NCS1: variants seen among roughly 807,000 people sequenced by gnomAD.
NCS1 encodes frequenin homolog.
Under a neutral mutation model 28.4 loss-of-function variants are expected in NCS1, and 6 were observed. That is an observed-to-expected ratio of 0.21 (90% CI 0.12 to 0.42). The LOEUF (loss-of-function observed/expected upper bound fraction) is 0.42, where lower values mean the gene tolerates loss of function less well. Among genes scored for constraint, NCS1 ranks in the 10% least tolerant of loss-of-function variants. The pLI is 1.00. For synonymous variants in NCS1, 86 were observed against 99.3 expected (o/e 0.87, Z 0.79); for missense variants, 131 against 241.4 (o/e 0.54, Z 3.03).
chr9:130,172,429 A>ACCGCGC lies in NCS1; in HGVS notation c.-233_-228dup, dbSNP rs1832490902. 1 of 144,870 alleles carries ACCGCGC rather than the reference A, an allele frequency of 6.9e-6. No individual in the cohort carries two copies. The highest frequency in any genetic ancestry group is 2.1e-4 in the South Asian group (1 of 4,778). 9.0% of individuals were successfully genotyped at this position (144,870 alleles called of 1,614,324 possible). A position where few individuals can be genotyped will look rare whatever the true frequency, so the allele number is the denominator to read the frequency against. ...AGTAACCAGGGACGACCGCGGCCAC[A>ACCGCGC]CCGCGCCGGCGCCGGCGCCCAGCCC... On this transcript the variant is annotated 5_prime_UTR_variant, in exon 1 of 8. Transcript: ENST00000372398.
intron 1 of NCS1, among the ~76,000 whole-genome samples, chr9:130,187,799 A>G (rs1554905803): frequency 1.3e-5 from 2 of 152,140 alleles, no homozygotes; most frequent in African/African-American, 2.4e-5. Context: ...GCTTCCATCC[A>G]GAGGGCTCCC....
chr9:130,227,022 C>CAAAAA lies in NCS1; in HGVS notation c.*17+531_*17+535dup, dbSNP rs782338218. 2.1e-4 allele frequency among the ~76,000 whole-genome samples: 9 copies of CAAAAA among 42,466 alleles called. No homozygotes were observed. In the East Asian group the frequency reaches 3.9e-3, roughly 19 times the overall value. 27.9% of individuals were successfully genotyped at this position (42,466 alleles called of 152,430 possible). ...TGGGTAACAGAGTGAGACTCCATCT[C>CAAAAA]AAAAAAAAAAAAAAAAAGAAAAGAA... On this transcript the variant is annotated intron_variant, in intron 7 of 7. Coordinates refer to ENST00000372398, the MANE Select transcript of NCS1 (RefSeq NM_014286.4).
rs34473694 is a variant in NCS1 at position 130,174,790 on chromosome 9, C to CAAAAAAAAAA, written c.64+2071_64+2080dup. 2.0e-3 allele frequency among the ~76,000 whole-genome samples: 187 copies of CAAAAAAAAAA among 91,564 alleles called. 15 individuals carry two copies. Among genetic ancestry groups the CAAAAAAAAAA allele is most frequent in the African/African-American group, 8.5e-3 (166 of 19,638 alleles). 60.1% of individuals were successfully genotyped at this position (91,564 alleles called of 152,430 possible). On this transcript the variant is annotated intron_variant, in intron 1 of 7. Transcript: ENST00000372398. ...TGCTCCAAGAGGGAAACTCTGTCTC[C>CAAAAAAAAAA]AAAAAAAAAAAAAAAAAGCTCTGCT...
In NCS1 at chr9:130,191,487, G is replaced by A. The variant is rs1256373640; in HGVS notation, c.65-9471G>A. On this transcript the variant is annotated intron_variant, in intron 1 of 7. Transcript: ENST00000372398. This position sits in a 1 kb window ranked among gnomAD's most constrained non-coding sequence, Gnocchi z 6.4. Reference sequence around the variant, plus strand: ...CCGGAGGCTCTGGCATCTTTTACATGGAGGCGAGGCAGCCGTGGGGATGTA... The same window carrying A: ...CCGGAGGCTCTGGCATCTTTTACATAGAGGCGAGGCAGCCGTGGGGATGTA... 6.6e-6 allele frequency among the ~76,000 whole-genome samples: 1 copy of A among 152,216 alleles called. No individual in the cohort carries two copies. Among genetic ancestry groups the A allele is most frequent in the African/African-American group, 2.4e-5 (1 of 41,466 alleles).
intron 7 of NCS1, among the ~76,000 whole-genome samples, chr9:130,228,890 G>A (rs1480806989): frequency 2.6e-5 from 4 of 151,652 alleles, no homozygotes; most frequent in African/African-American, 9.7e-5. Flanking sequence ...GGCTGGTCTC[G>A]AACTCCTGAC....
At chr9:130,173,801 C>T (rs1832525287) in intron 1 of NCS1, among the ~76,000 whole-genome samples, 1 of 152,108 alleles carries the variant, frequency 6.6e-6, no homozygotes, top group South Asian at 2.1e-4. Context: ...GGAGGCAGCT[C>T]CTGGTGGTGC....
chr9:130,184,052 C>T (rs555843517), intron 1 of NCS1, among the ~76,000 whole-genome samples: 11 of 152,138 alleles, frequency 7.2e-5, no homozygotes, highest in African/African-American at 2.4e-4. Flanking sequence ...CCTCATTATC[C>T]ACCCGCCTCG....
At chr9:130,214,793 G>T (rs1416094744) in intron 2 of NCS1, among the ~76,000 whole-genome samples, 1 of 152,136 alleles carries the variant, frequency 6.6e-6, no homozygotes, top group Admixed American at 6.5e-5. Flanking sequence ...TCACCTCATG[G>T]GGGGCTTCTT....
Position 130,229,416 on chromosome 9 carries a change from G to A in NCS1, c.*17+2912G>A, listed in dbSNP as rs373383592. Among the ~76,000 whole-genome samples the A allele has an allele frequency of 9.5e-4, 145 of 152,024 alleles. 4 individuals carry two copies. In the South Asian group the frequency reaches 0.028, roughly 30 times the overall value. ...ATTACAGGTGCTTGCCACCACGCCC[G>A]GCTAATTTTTGTACTTTTAGTAGAG... On this transcript the variant is annotated intron_variant, in intron 7 of 7. Transcript: ENST00000372398.
chr9:130,184,120 T>TCTTTC (rs2131120267), intron 1 of NCS1, among the ~76,000 whole-genome samples: 2 of 152,272 alleles, frequency 1.3e-5, no homozygotes, highest in African/African-American at 4.8e-5. Flanking sequence ...TCTTTTCTTT[T>TCTTTC]CTTTCTTCTG....
chr9:130,213,331 G>T (rs1815604444), intron 2 of NCS1, among the ~76,000 whole-genome samples: 1 of 152,124 alleles, frequency 6.6e-6, no homozygotes, highest in Non-Finnish European at 1.5e-5. Context: ...AGGCTGGAGT[G>T]CAGTGGCGTG....
intron 6 of NCS1, among the ~76,000 whole-genome samples, chr9:130,223,908 G>A (rs1229004576): frequency 4.0e-5 from 6 of 151,776 alleles, no homozygotes; most frequent in Admixed American, 6.6e-5. Flanking sequence ...AGTGGCGGGC[G>A]CGATCTCGGC....
In NCS1 at chr9:130,219,653, C is replaced by T. The variant is rs1240225348; in HGVS notation, c.229-72C>T. On this transcript the variant is annotated intron_variant, in intron 3 of 7. Transcript: ENST00000372398. The surrounding 1 kb of genome is among the most constrained non-coding windows in gnomAD (Gnocchi z 5.7). ...CTGGAGCCTGCGACTGCCCCTCGCCCGTCCCGAGGTTCAGCCTGACCCGGT... is the reference window on the plus strand; with the variant it reads ...CTGGAGCCTGCGACTGCCCCTCGCCTGTCCCGAGGTTCAGCCTGACCCGGT... 20 of 1,436,494 alleles carry T rather than the reference C, an allele frequency of 1.4e-5. No individual in the cohort carries two copies. The highest frequency in any genetic ancestry group is 5.8e-5 in the South Asian group (5 of 86,280). 89.0% of individuals were successfully genotyped at this position (1,436,494 alleles called of 1,614,324 possible).
rs1391541079 is a variant in NCS1 at position 130,232,230 on chromosome 9, A to C, written c.*18-760A>C. 1.3e-5 allele frequency among the ~76,000 whole-genome samples: 2 copies of C among 151,986 alleles called. No homozygotes were observed. The highest frequency in any genetic ancestry group is 4.8e-5 in the African/African-American group (2 of 41,398). On this transcript the variant is annotated intron_variant, in intron 7 of 7. Coordinates refer to ENST00000372398, the MANE Select transcript of NCS1 (RefSeq NM_014286.4). The surrounding 1 kb of genome is among the most constrained non-coding windows in gnomAD (Gnocchi z 4.4). ...CCAAAGTGCTAGATTTACAGGTTTG[A>C]CCCACCACTCCTGGCCCTCCCTGTG...
At chr9:130,196,413 G>C (rs1478979550) in intron 1 of NCS1, among the ~76,000 whole-genome samples, 1 of 152,184 alleles carries the variant, frequency 6.6e-6, no homozygotes, top group African/African-American at 2.4e-5. Flanking sequence ...GAGGCTGCAG[G>C]CGTCTTGACC....
At chr9:130,173,712 G>A (rs1832523021) in intron 1 of NCS1, among the ~76,000 whole-genome samples, 1 of 152,160 alleles carries the variant, frequency 6.6e-6, no homozygotes, top group African/African-American at 2.4e-5. Context: ...TCCCCGGGCA[G>A]CTGCGTGGGC....
intron 1 of NCS1, among the ~76,000 whole-genome samples, chr9:130,195,694 GA>G (rs1554906758): frequency 6.6e-6 from 1 of 152,260 alleles, no homozygotes; most frequent in Non-Finnish European, 1.5e-5. Flanking sequence ...AAAGTGTTGG[GA>G]TTACGGGCAT....
chr9:130,213,288 T>C (rs1833138192), intron 2 of NCS1, among the ~76,000 whole-genome samples: 1 of 152,200 alleles, frequency 6.6e-6, no homozygotes, highest in Non-Finnish European at 1.5e-5. Context: ...TTTCTTTTTT[T>C]TTCTTTTGAG....
At chr9:130,231,559 T>G (rs1833502083) in intron 7 of NCS1, among the ~76,000 whole-genome samples, 1 of 151,732 alleles carries the variant, frequency 6.6e-6, no homozygotes, top group African/African-American at 2.4e-5. Flanking sequence ...AATTTTTGTA[T>G]TTTTAGTAGA....
Sources: gnomAD v4.1 joint callset for allele counts (sites outside exome capture counted in the v4.1 genomes callset) on GRCh38, gnomAD v4.1.1 for gene constraint, Gnocchi (gnomAD v3.1) non-coding constraint, MANE v1.5 for transcripts, NCBI Gene and HGNC (gene_info 2026-07-23, HGNC 2026-07-21) for gene names.